Variants in DYNLT2B observed in about 807,000 individuals in gnomAD.
The protein encoded by DYNLT2B is dynein light chain Tctex-type 2B, also known as dynein light chain Tctex-type protein 2B.
Under a neutral mutation model 19.5 loss-of-function variants are expected in DYNLT2B, and 14 were observed. That is an observed-to-expected ratio of 0.72 (90% CI 0.47 to 1.12). The LOEUF is 1.12. Ranked by LOEUF, DYNLT2B falls within the 50% of genes most tolerant of loss-of-function variation. The pLI is 0.00. For synonymous variants in DYNLT2B, 70 were observed against 59.7 expected (o/e 1.17, Z -0.79); for missense variants, 133 against 174.7 (o/e 0.76, Z 1.35).
chr3:196,300,730 C>CAA (rs1171224774), intron 3 of DYNLT2B, among the ~76,000 whole-genome samples: 740 of 68,284 alleles, frequency 0.011, 5 homozygotes, highest in East Asian at 0.032. Flanking sequence ...ACTCTGTCTC[C>CAA]AAAAAAAAAA....
In DYNLT2B at chr3:196,292,903, G is replaced by C. The variant is rs566380030; in HGVS notation, c.382-1529C>G. 3.9e-5 allele frequency among the ~76,000 whole-genome samples: 6 copies of C among 152,294 alleles called. No individual in the cohort carries two copies. In the East Asian group the frequency reaches 1.2e-3, roughly 29 times the overall value. On this transcript the variant is annotated intron_variant, in intron 4 of 4. Transcript: ENST00000325318. ...GAGTCTTGCCCTCTCGCCCAGGCTGGAGTGCAGTGGCACAATCTTGGCTCA... is the reference window on the plus strand; with the variant it reads ...GAGTCTTGCCCTCTCGCCCAGGCTGCAGTGCAGTGGCACAATCTTGGCTCA...
intron 3 of DYNLT2B, among the ~76,000 whole-genome samples, chr3:196,302,015 G>A (rs925261795): frequency 2.0e-5 from 3 of 152,090 alleles, no homozygotes; most frequent in East Asian, 3.9e-4. Flanking sequence ...GCTGAAGCAC[G>A]AGAATCGCTT....
chr3:196,310,331 C>T (rs1232507383), intron 2 of DYNLT2B, among the ~76,000 whole-genome samples: 1 of 150,862 alleles, frequency 6.6e-6, no homozygotes, highest in African/African-American at 2.4e-5. Flanking sequence ...AGGCTGGTCT[C>T]GAACTCCTGA....
chr3:196,296,795 T>A (rs1390564612), intron 3 of DYNLT2B, among the ~76,000 whole-genome samples: 1 of 152,116 alleles, frequency 6.6e-6, no homozygotes. Context: ...GTCCCTGTAG[T>A]CCCAGCAACT....
rs187935189 is a variant in DYNLT2B, at chr3:196,296,225, A to G, written c.318-156T>C. On this transcript the variant is annotated intron_variant, in intron 3 of 4. Coordinates refer to ENST00000325318, the MANE Select transcript of DYNLT2B (RefSeq NM_152773.5). ...ACCCACAGAGTATTGTATTTGTACCAGAGAGTATACTGGGTAAACCGGAGA... is the reference window on the plus strand; with the variant it reads ...ACCCACAGAGTATTGTATTTGTACCGGAGAGTATACTGGGTAAACCGGAGA... The G allele has an allele frequency of 2.0e-3, 1,278 of 644,666 alleles. 4 individuals are homozygous for G. Among genetic ancestry groups the G allele is most frequent in the Non-Finnish European group, 2.8e-3 (1,012 of 367,618 alleles). 39.9% of individuals were successfully genotyped at this position (644,666 alleles called of 1,614,324 possible). A position where few individuals can be genotyped will look rare whatever the true frequency, so the allele number is the denominator to read the frequency against.
At chr3:196,310,425 G>C (rs1726606680) in intron 2 of DYNLT2B, among the ~76,000 whole-genome samples, 1 of 144,160 alleles carries the variant, frequency 6.9e-6, no homozygotes, top group Admixed American at 6.9e-5. Flanking sequence ...TTATGATTTT[G>C]TTTGATTTGG....
chr3:196,309,210 G>A (rs1230819784), intron 2 of DYNLT2B, among the ~76,000 whole-genome samples: 1 of 152,154 alleles, frequency 6.6e-6, no homozygotes, highest in Non-Finnish European at 1.5e-5. Flanking sequence ...AAGGCCAGAA[G>A]TTCAAGACCA....
intron 4 of DYNLT2B, 81 bp from the exon 5 acceptor site, chr3:196,291,455 C>T (rs1427681512): frequency 6.4e-6 from 9 of 1,408,178 alleles, no homozygotes; most frequent in Non-Finnish European, 7.8e-6. Flanking sequence ...GCAACTGAAA[C>T]TAACACCATC....
chr3:196,305,162 G>A (rs1726456142), intron 3 of DYNLT2B, among the ~76,000 whole-genome samples: 2 of 152,162 alleles, frequency 1.3e-5, no homozygotes, highest in Admixed American at 1.3e-4. Flanking sequence ...GGGATTACAG[G>A]TGTGAGCCAC....
chr3:196,298,975 G>A (rs6771755), intron 3 of DYNLT2B, among the ~76,000 whole-genome samples: 23,124 of 151,022 alleles, frequency 0.15, 1,812 homozygotes, highest in South Asian at 0.2. Flanking sequence ...GCAGTGGCAC[G>A]ATCTCAGCTC....
chr3:196,315,871 T>TA (rs1726776396), intron 2 of DYNLT2B, among the ~76,000 whole-genome samples: 1 of 151,802 alleles, frequency 6.6e-6, no homozygotes, highest in Non-Finnish European at 1.5e-5. Context: ...AAACTCCATC[T>TA]CAAAAAAAAG....
chr3:196,318,028 T>G lies in DYNLT2B; in HGVS notation c.113+12A>C, dbSNP rs758794427. On this transcript the variant is annotated intron_variant, in intron 1 of 4. Coordinates refer to ENST00000325318, the MANE Select transcript of DYNLT2B (RefSeq NM_152773.5). ...CTCGAGGTCGCCCCGCCACAGCCCG[T>G]CCTCTACCCGCCTCTGCTGGAAAAC... 6.7e-6 allele frequency: 10 copies of G among 1,482,764 alleles called. No individual in the cohort carries two copies. The South Asian group carries it at 1.3e-4, about 19-fold the overall frequency. The allele number at this position is 1,482,764 out of a possible 1,614,324, so 91.9% of individuals were successfully genotyped here. A position where few individuals can be genotyped will look rare whatever the true frequency, so the allele number is the denominator to read the frequency against.
intron 4 of DYNLT2B, among the ~76,000 whole-genome samples, chr3:196,292,882 C>G (rs904153175): frequency 6.6e-6 from 1 of 152,204 alleles, no homozygotes; most frequent in African/African-American, 2.4e-5. Flanking sequence ...GAGACAGAGT[C>G]TTGCCCTCTC....
chr3:196,317,038 GTGTGTGT>G (rs1357693741), intron 1 of DYNLT2B, among the ~76,000 whole-genome samples: 1 of 108,300 alleles, frequency 9.2e-6, no homozygotes, highest in Non-Finnish European at 1.9e-5. Flanking sequence ...GTGTGTGTGT[GTGTGTGT>G]TGTGTGGTGT....
intron 2 of DYNLT2B, among the ~76,000 whole-genome samples, chr3:196,308,657 T>G (rs1208886712): frequency 6.6e-6 from 1 of 152,202 alleles, no homozygotes; most frequent in East Asian, 1.9e-4. Context: ...AACGTGCAGG[T>G]TCCAAGATTA....
rs527849347 is a variant in DYNLT2B, at chr3:196,299,512, T to G, written c.318-3443A>C. On this transcript the variant is annotated intron_variant, in intron 3 of 4. Coordinates refer to ENST00000325318, the MANE Select transcript of DYNLT2B (RefSeq NM_152773.5). Reference sequence around the variant, plus strand: ...TGGTAGGATTACAGGAGTGAGCCACTGTGCCCAGCAGAGTCGGCAGTCTTA... The same window carrying G: ...TGGTAGGATTACAGGAGTGAGCCACGGTGCCCAGCAGAGTCGGCAGTCTTA... Among the ~76,000 whole-genome samples, 4 of 152,256 alleles carry G rather than the reference T, an allele frequency of 2.6e-5. No individual in the cohort carries two copies. In the South Asian group the frequency reaches 8.3e-4, roughly 32 times the overall value.
At chr3:196,307,226 T>G (rs1187564214) in intron 2 of DYNLT2B, among the ~76,000 whole-genome samples, 1 of 152,166 alleles carries the variant, frequency 6.6e-6, no homozygotes, top group African/African-American at 2.4e-5. Context: ...TCAGTTTAAG[T>G]CTCCCTTATT....
At position 196,318,080 on chromosome 3, in the gene DYNLT2B, G is replaced by T; in HGVS notation, c.73C>A (p.Pro25Thr). 6.4e-7 allele frequency: 1 copy of T among 1,564,874 alleles called. No individual in the cohort carries two copies. The highest frequency in any genetic ancestry group is 8.6e-7 in the Non-Finnish European group (1 of 1,160,132). ...VPEAEKNAGE[P>T]ENTYILRPVF... ...GGCCGCAGAATATAGGTGTTCTCGG[G>T]CTCCCCTGCGTTCTTCTCAGCCTCA... Residue 25 changes from proline (P) to threonine (T), a missense_variant, in exon 1 of 5, where the codon CCC becomes ACC. Coordinates refer to ENST00000325318, the MANE Select transcript of DYNLT2B (RefSeq NM_152773.5).
chr3:196,317,892 C>T, intron 1 of DYNLT2B, 148 bp downstream of exon 1: 1 of 344,894 alleles, frequency 2.9e-6, no homozygotes. Flanking sequence ...CACAGCAGGG[C>T]CGCCCGCCCG....
Sources: allele counts gnomAD v4.1 joint callset (sites outside exome capture counted in the v4.1 genomes callset), GRCh38; gene constraint gnomAD v4.1.1; transcripts MANE v1.5; gene names NCBI Gene and HGNC (gene_info 2026-07-23, HGNC 2026-07-21).